The following NPAS3 variants were observed in gnomAD, a reference collection of about 807,000 sequenced individuals.
NPAS3 encodes the protein neuronal PAS domain protein 3, also known as neuronal PAS domain-containing protein 3.
In NPAS3, 14 loss-of-function variants were observed where a neutral mutation model predicts 73.1. That is an observed-to-expected ratio of 0.19 (90% CI 0.13 to 0.30). The LOEUF (loss-of-function observed/expected upper bound fraction) is 0.30. Ranked by LOEUF, NPAS3 falls within the 10% of genes least tolerant of loss-of-function variation. The pLI is 1.00. For missense variants in NPAS3, 1,096 were observed against 1,250.0 expected, an observed-to-expected ratio of 0.88 and a Z score of 1.86; for synonymous variants, 620 against 541.5, an observed-to-expected ratio of 1.14 and a Z score of -2.01.
intron 5 of NPAS3, among the ~76,000 whole-genome samples, chr14:33,576,824 T>G (rs1460262981): frequency 6.6e-6 from 1 of 152,180 alleles, no homozygotes; most frequent in African/African-American, 2.4e-5. Context: ...TCACTTATTA[T>G]AGCATGTTTA....
chr14:33,306,429 T>G (rs1020773544), intron 3 of NPAS3, among the ~76,000 whole-genome samples: 3 of 152,238 alleles, frequency 2.0e-5, no homozygotes, highest in Non-Finnish European at 4.4e-5. Context: ...TGGCTTGTAA[T>G]TAATCTTTCT....
chr14:33,322,088 C>G (rs570480129), intron 3 of NPAS3, among the ~76,000 whole-genome samples: 3 of 152,228 alleles, frequency 2.0e-5, no homozygotes, highest in African/African-American at 7.2e-5. Context: ...GCACAAGGAC[C>G]TTTGTGCCTC....
intron 5 of NPAS3, among the ~76,000 whole-genome samples, chr14:33,619,268 AT>A (rs1157154204): frequency 6.6e-6 from 1 of 152,138 alleles, no homozygotes; most frequent in African/African-American, 2.4e-5. Context: ...TTCCTATGAA[AT>A]TTACTGTGAA....
intron 1 of NPAS3, among the ~76,000 whole-genome samples, chr14:32,966,601 T>TTCATGACATTGGC (rs2037172403): frequency 1.3e-5 from 1 of 74,856 alleles, no homozygotes; most frequent in Non-Finnish European, 3.1e-5. Context: ...AAACCCCGTC[T>TTCATGACATTGGC]CTACTAAAAA....
intron 4 of NPAS3, among the ~76,000 whole-genome samples, chr14:33,462,808 A>T (rs1026106118): frequency 6.6e-6 from 1 of 152,190 alleles, no homozygotes; most frequent in African/African-American, 2.4e-5. Flanking sequence ...ACCTTATGCT[A>T]GTTGCTTAGC....
At chr14:32,977,482 A>G (rs544345759) in intron 1 of NPAS3, among the ~76,000 whole-genome samples, 3 of 152,274 alleles carry the variant, frequency 2.0e-5, no homozygotes, top group African/African-American at 7.2e-5. Context: ...TTATAATCCC[A>G]GCACTTTGAG....
intron 6 of NPAS3, among the ~76,000 whole-genome samples, chr14:33,731,034 T>A (rs2061385142): frequency 6.6e-6 from 1 of 152,152 alleles, no homozygotes; most frequent in Non-Finnish European, 1.5e-5. Flanking sequence ...GAGTAACATT[T>A]CTCAAAACTT....
chr14:33,704,962 T>A (rs962300309), intron 6 of NPAS3, among the ~76,000 whole-genome samples: 1 of 152,188 alleles, frequency 6.6e-6, no homozygotes, highest in African/African-American at 2.4e-5. Flanking sequence ...GGCAGGTCGC[T>A]CATAAACCAT....
At chr14:33,797,703 G>T (rs1303531794) in intron 11 of NPAS3, 122 bp downstream of exon 11, 17 of 927,842 alleles carry the variant, frequency 1.8e-5, no homozygotes, top group Non-Finnish European at 1.5e-5. Flanking sequence ...AGAGACATAT[G>T]TCACATCAAG....
chr14:33,152,476 T>C (rs2044483912), intron 2 of NPAS3, among the ~76,000 whole-genome samples: 1 of 152,182 alleles, frequency 6.6e-6, no homozygotes, highest in Non-Finnish European at 1.5e-5. Flanking sequence ...CCCATGTGGT[T>C]CCCATTTCTT....
At chr14:33,317,232 G>C (rs531277512) in intron 3 of NPAS3, among the ~76,000 whole-genome samples, 8 of 152,112 alleles carry the variant, frequency 5.3e-5, no homozygotes, top group Non-Finnish European at 1.2e-4. Flanking sequence ...CTTTTCCATG[G>C]CAGAAGTATT....
intron 4 of NPAS3, among the ~76,000 whole-genome samples, chr14:33,540,446 C>T (rs185406332): frequency 6.6e-6 from 1 of 152,278 alleles, no homozygotes; most frequent in East Asian, 1.9e-4. Context: ...TAATTAAATC[C>T]TTGCACGCTG....
intron 1 of NPAS3, among the ~76,000 whole-genome samples, chr14:33,055,456 A>G (rs73266783): frequency 0.027 from 4,162 of 152,320 alleles, 156 homozygotes; most frequent in African/African-American, 0.084. Flanking sequence ...AATAGAGCTG[A>G]AAAATATATT....
intron 3 of NPAS3, among the ~76,000 whole-genome samples, chr14:33,289,271 A>G (rs2041999658): frequency 6.6e-6 from 1 of 152,164 alleles, no homozygotes; most frequent in Admixed American, 6.5e-5. Flanking sequence ...AGGCATTCTG[A>G]TTCCAGAGCC....
chr14:33,333,489 A>G (rs541881780), intron 3 of NPAS3, among the ~76,000 whole-genome samples: 2 of 152,256 alleles, frequency 1.3e-5, no homozygotes, highest in South Asian at 4.1e-4. Flanking sequence ...TTTTAATTTC[A>G]TTTTACAAAT....
chr14:33,222,748 A>G (rs1463691676), intron 3 of NPAS3, among the ~76,000 whole-genome samples: 1 of 152,198 alleles, frequency 6.6e-6, no homozygotes, highest in African/African-American at 2.4e-5. Context: ...ATTGAATTAT[A>G]TCTTGGGATT....
At chr14:33,654,763 C>A (rs74042355) in intron 5 of NPAS3, among the ~76,000 whole-genome samples, 61 of 152,282 alleles carry the variant, frequency 4.0e-4, no homozygotes, top group African/African-American at 1.4e-3. Flanking sequence ...GAAAGGTGAG[C>A]TGCAGTTTGA....
chr14:33,400,033 A>C (rs2047385332), intron 4 of NPAS3, among the ~76,000 whole-genome samples: 2 of 152,144 alleles, frequency 1.3e-5, no homozygotes, highest in Non-Finnish European at 2.9e-5. Flanking sequence ...TTTACCCAAA[A>C]CAATAGCTTT....
chr14:33,361,756 A>C (rs548342497), intron 3 of NPAS3, among the ~76,000 whole-genome samples: 1 of 152,322 alleles, frequency 6.6e-6, no homozygotes, highest in African/African-American at 2.4e-5. Context: ...AATTATGAAG[A>C]TAGTTTTTTT....
Sources: allele counts gnomAD v4.1 joint callset (sites outside exome capture counted in the v4.1 genomes callset), GRCh38; gene constraint gnomAD v4.1.1; transcripts MANE v1.5; gene names NCBI Gene and HGNC (gene_info 2026-07-23, HGNC 2026-07-21).